The following RELN variants were observed in gnomAD, a reference collection of about 807,000 sequenced individuals.
RELN encodes the protein reelin.
Under a neutral mutation model 427.6 loss-of-function variants are expected in RELN, and 108 were observed. The observed-to-expected ratio is 0.25, with a 90% CI of 0.22 to 0.30. RELN has a LOEUF of 0.30. Among genes scored for constraint, RELN ranks in the 10% least tolerant of loss-of-function variants. The probability of loss-of-function intolerance (pLI) is 1.00; values close to 1 mark genes in which losing one functional copy is unlikely to be tolerated. For synonymous variants in RELN, 1,524 were observed against 1,513.4 expected (o/e 1.01, Z -0.16); for missense variants, 3,715 against 4,302.8 (o/e 0.86, Z 3.82).
At position 103,834,135 on chromosome 7, in the gene RELN, C is replaced by T. The variant is rs1793343975; in HGVS notation, c.338-463G>A. On this transcript the variant is annotated intron_variant, in intron 2 of 64. Transcript: ENST00000428762. The stretch of plus-strand genomic sequence containing the variant: ...TGATCAGGTTTGCTTGGAAAACTCC[C>T]CAGTCCTATTTGGGAGGTTTCAAGA... Among the ~76,000 whole-genome samples the T allele has an allele frequency of 2.0e-5, 3 of 152,168 alleles. No individual in the cohort carries two copies. The South Asian group carries it at 6.2e-4, about 32-fold the overall frequency.
intron 2 of RELN, among the ~76,000 whole-genome samples, chr7:103,875,379 T>G (rs71558655): frequency 0.14 from 21,273 of 151,084 alleles, 1,757 homozygotes; most frequent in East Asian, 0.33. Context: ...AAACTAAAGA[T>G]CTTCTGCACA....
intron 45 of RELN, among the ~76,000 whole-genome samples, chr7:103,537,454 C>T (rs751844610): frequency 3.1e-4 from 47 of 152,212 alleles, no homozygotes; most frequent in Non-Finnish European, 4.3e-4. Flanking sequence ...ATGCCTGCTT[C>T]TTAAGGCCCT....
Position 103,989,421 on chromosome 7 carries a change from G to T in RELN, c.-65C>A. ...CGCTCGCTCATTCAGTTTTGGAGAC[G>T]CCGGGACGGAGGAGCCACGCGGAGA... On this transcript the variant is annotated 5_prime_UTR_variant, in exon 1 of 65. Coordinates refer to ENST00000428762, the MANE Select transcript of RELN (RefSeq NM_005045.4). This position sits in a 1 kb window ranked among gnomAD's most constrained non-coding sequence, Gnocchi z 4.9. 1 of 1,322,370 alleles carries T rather than the reference G, an allele frequency of 7.6e-7. No homozygotes were observed. The highest frequency in any genetic ancestry group is 9.7e-7 in the Non-Finnish European group (1 of 1,028,726). 81.9% of individuals were successfully genotyped at this position (1,322,370 alleles called of 1,614,324 possible).
chr7:103,892,427 A>C (rs1794871077), intron 2 of RELN, among the ~76,000 whole-genome samples: 2 of 152,198 alleles, frequency 1.3e-5, no homozygotes, highest in South Asian at 2.1e-4. Flanking sequence ...GATTAAAAAC[A>C]TTTATGAAGA....
chr7:103,959,499 A>G (rs770912374), intron 1 of RELN, among the ~76,000 whole-genome samples: 11 of 152,140 alleles, frequency 7.2e-5, no homozygotes, highest in Non-Finnish European at 1.6e-4. Context: ...TATCTCTGAC[A>G]TTCCTCCCAA....
chr7:103,565,135 C>T (rs987680921), intron 34 of RELN, 143 bp downstream of exon 34: 1 of 1,067,960 alleles, frequency 9.4e-7, no homozygotes, highest in Non-Finnish European at 1.4e-6. Context: ...ACCCAAAGCA[C>T]CTTGCACTTT....
chr7:103,981,290 C>T (rs758303259), intron 1 of RELN, among the ~76,000 whole-genome samples: 65 of 152,210 alleles, frequency 4.3e-4, no homozygotes, highest in Non-Finnish European at 1.2e-4. Context: ...GTGAAGGAAA[C>T]GAACAAGCAA....
At chr7:103,935,957 C>T (rs1213366740) in intron 1 of RELN, among the ~76,000 whole-genome samples, 4 of 152,142 alleles carry the variant, frequency 2.6e-5, no homozygotes, top group African/African-American at 4.8e-5. Flanking sequence ...ACATGTCTCT[C>T]TCTCTCTTCC....
chr7:103,724,501 T>G (rs1790156066), intron 7 of RELN, among the ~76,000 whole-genome samples: 2 of 152,188 alleles, frequency 1.3e-5, no homozygotes, highest in Admixed American at 6.6e-5. Flanking sequence ...CTACTGCTAG[T>G]GCATTAAATG....
intron 8 of RELN, among the ~76,000 whole-genome samples, chr7:103,705,105 T>C: frequency 6.6e-6 from 1 of 152,316 alleles, no homozygotes; most frequent in South Asian, 2.1e-4. Context: ...TTTTTATTAA[T>C]TTCATTTTTA....
At chr7:103,623,941 C>A (rs1341363053) in intron 20 of RELN, among the ~76,000 whole-genome samples, 2 of 152,074 alleles carry the variant, frequency 1.3e-5, no homozygotes, top group African/African-American at 4.8e-5. Flanking sequence ...AACAAATAAC[C>A]CATCTTTTGT....
chr7:103,484,696 C>A (rs1034974936), intron 61 of RELN, among the ~76,000 whole-genome samples: 2 of 152,136 alleles, frequency 1.3e-5, no homozygotes, highest in Non-Finnish European at 2.9e-5. Context: ...TGTTGGAAAT[C>A]TTGTTAGAGT....
At chr7:103,747,425 T>C (rs368458705) in intron 6 of RELN, among the ~76,000 whole-genome samples, 1 of 151,508 alleles carries the variant, frequency 6.6e-6, no homozygotes, top group Admixed American at 6.6e-5. Context: ...ATAATAAAAT[T>C]AAAAAAATAA....
intron 4 of RELN, among the ~76,000 whole-genome samples, chr7:103,761,862 TG>T (rs1367044833): frequency 6.6e-6 from 1 of 152,118 alleles, no homozygotes; most frequent in Non-Finnish European, 1.5e-5. Flanking sequence ...TGTGAGAAAT[TG>T]CAGGTATAAA....
chr7:103,486,597 T>A lies in RELN; in HGVS notation c.9764-181A>T, dbSNP rs59852141. On this transcript the variant is annotated intron_variant, in intron 60 of 64. Coordinates refer to ENST00000428762, the MANE Select transcript of RELN (RefSeq NM_005045.4). The stretch of plus-strand genomic sequence containing the variant: ...CAACCCCATCAAAAAGTGGGTGAGG[T>A]TTTGAACAGACACTTCTCAAAAGAA... Among the ~76,000 whole-genome samples the A allele has an allele frequency of 0.016, 2,275 of 141,398 alleles. 66 individuals are homozygous for A. Among genetic ancestry groups the A allele is most frequent in the African/African-American group, 0.056 (2,173 of 38,614 alleles). 92.8% of individuals were successfully genotyped at this position (141,398 alleles called of 152,430 possible).
Position 103,620,899 on chromosome 7 carries a change from C to A in RELN, c.2702+9041G>T, listed in dbSNP as rs911457252. On this transcript the variant is annotated intron_variant, in intron 20 of 64. Transcript: ENST00000428762. The surrounding 1 kb of genome is among the most constrained non-coding windows in gnomAD (Gnocchi z 4.1). ...TCACTTCCTTTTAGAACAGAACACA[C>A]TGGTTGATGTAGTCAGGCCTGACAG... Among the ~76,000 whole-genome samples the A allele has an allele frequency of 6.6e-6, 1 of 152,206 alleles. No homozygotes were observed. The highest frequency in any genetic ancestry group is 2.4e-5 in the African/African-American group (1 of 41,452).
intron 28 of RELN, among the ~76,000 whole-genome samples, chr7:103,579,969 C>T (rs1390494030): frequency 2.0e-5 from 3 of 152,190 alleles, no homozygotes; most frequent in Non-Finnish European, 2.9e-5. Context: ...GGCTACATAG[C>T]ATATTGCCTG....
chr7:103,897,664 T>TA (rs2116609694), intron 2 of RELN, among the ~76,000 whole-genome samples: 1 of 152,174 alleles, frequency 6.6e-6, no homozygotes, highest in Admixed American at 6.6e-5. Context: ...AGGCACCTGT[T>TA]AAAGATTGCA....
intron 3 of RELN, among the ~76,000 whole-genome samples, chr7:103,779,024 C>G (rs262345): frequency 0.77 from 117,407 of 152,012 alleles, 45,489 homozygotes; most frequent in South Asian, 0.86. Context: ...TGAGGCCAGG[C>G]AGGATATTAA....
Sources: gnomAD v4.1 joint callset for allele counts (sites outside exome capture counted in the v4.1 genomes callset) on GRCh38, gnomAD v4.1.1 for gene constraint, Gnocchi (gnomAD v3.1) non-coding constraint, MANE v1.5 for transcripts, NCBI Gene and HGNC (gene_info 2026-07-23, HGNC 2026-07-21) for gene names.